The following SYNE1 variants were observed in gnomAD, a reference collection of about 807,000 sequenced individuals.
The protein encoded by SYNE1 is nesprin-1.
Under a neutral mutation model 1,111.0 loss-of-function variants are expected in SYNE1, and 616 were observed. The ratio of observed to expected loss-of-function variants is 0.55; its 90% CI spans 0.52 to 0.59. The LOEUF is 0.59. Ranked by LOEUF, SYNE1 falls within the 20% of genes least tolerant of loss-of-function variation. The probability of loss-of-function intolerance (pLI) is 0.00; values close to 1 mark genes in which losing one functional copy is unlikely to be tolerated. For missense variants in SYNE1, 10,006 were observed against 10,417.0 expected, an observed-to-expected ratio of 0.96 and a Z score of 1.72; for synonymous variants, 3,855 against 3,825.8, an observed-to-expected ratio of 1.01 and a Z score of -0.28.
At chr6:152,300,254 C>T (rs1333207997) in intron 93 of SYNE1, among the ~76,000 whole-genome samples, 1 of 152,044 alleles carries the variant, frequency 6.6e-6, no homozygotes, top group Non-Finnish European at 1.5e-5. Flanking sequence ...TGGTAAATGC[C>T]AGCACTATTT....
chr6:152,594,792 C>T (rs911304847), intron 3 of SYNE1, among the ~76,000 whole-genome samples: 15 of 152,264 alleles, frequency 9.9e-5, no homozygotes, highest in Non-Finnish European at 2.1e-4. Flanking sequence ...GAGCCTAAGC[C>T]AATCAGACTT....
At chr6:152,295,474 TGTA>T (rs2094826245) in intron 93 of SYNE1, among the ~76,000 whole-genome samples, 1 of 152,186 alleles carries the variant, frequency 6.6e-6, no homozygotes, top group Non-Finnish European at 1.5e-5. Flanking sequence ...CAGCTGGACT[TGTA>T]GTTATGTCTG....
At chr6:152,286,407 G>C (rs937212236) in intron 95 of SYNE1, among the ~76,000 whole-genome samples, 2 of 152,146 alleles carry the variant, frequency 1.3e-5, no homozygotes, top group African/African-American at 4.8e-5. Flanking sequence ...TCTGTGTCTG[G>C]CTCCTTTCAT....
At chr6:152,459,451 C>T (rs978329430) in intron 21 of SYNE1, among the ~76,000 whole-genome samples, 18 of 152,182 alleles carry the variant, frequency 1.2e-4, no homozygotes, top group Admixed American at 1.1e-3. Context: ...CTCCCACCAG[C>T]TCCATGCTTT....
intron 112 of SYNE1, among the ~76,000 whole-genome samples, chr6:152,233,298 A>ATGCCTT (rs2083209304): frequency 6.6e-6 from 1 of 152,002 alleles, no homozygotes; most frequent in Non-Finnish European, 1.5e-5. Flanking sequence ...CTCAGAGGAA[A>ATGCCTT]TGCCTTTGGG....
chr6:152,514,964 G>C (rs182588575), intron 6 of SYNE1, among the ~76,000 whole-genome samples: 3 of 152,300 alleles, frequency 2.0e-5, no homozygotes, highest in African/African-American at 7.2e-5. Flanking sequence ...GCTCACACCT[G>C]TAATCCCAGC....
At chr6:152,335,380 TA>T (rs1195397541) in intron 76 of SYNE1, 1 of 152,228 alleles carries the variant, frequency 6.6e-6, no homozygotes, top group Non-Finnish European at 1.5e-5. Context: ...GATTGTGATT[TA>T]AATTTGCTTA....
At chr6:152,202,082 C>T (rs1020880685) in intron 126 of SYNE1, 133 bp from the exon 127 acceptor site, 7 of 1,203,856 alleles carry the variant, frequency 5.8e-6, no homozygotes, top group Non-Finnish European at 8.2e-6. Context: ...TGTGGTGGCT[C>T]ACGCGTGTAA....
intron 10 of SYNE1, among the ~76,000 whole-genome samples, chr6:152,502,171 TGAC>T (rs983125016): frequency 2.6e-5 from 4 of 152,220 alleles, no homozygotes; most frequent in Non-Finnish European, 5.9e-5. Flanking sequence ...AAAAATCTAA[TGAC>T]AGTGAATAAT....
At chr6:152,496,826 G>C (rs140551294) in intron 11 of SYNE1, among the ~76,000 whole-genome samples, 1 of 152,232 alleles carries the variant, frequency 6.6e-6, no homozygotes, top group East Asian at 1.9e-4. Flanking sequence ...GAAAAGAAGT[G>C]AAAATGGCTG....
At chr6:152,139,529 C>T (rs537606431) in intron 140 of SYNE1, among the ~76,000 whole-genome samples, 7 of 145,572 alleles carry the variant, frequency 4.8e-5, no homozygotes, top group Non-Finnish European at 1.0e-4. Context: ...TGAGATCATG[C>T]CACTGCACTC....
At chr6:152,346,960 C>CA (rs1377753896) in intron 73 of SYNE1, 99 bp downstream of exon 73, 10 of 1,451,382 alleles carry the variant, frequency 6.9e-6, no homozygotes, top group Non-Finnish European at 7.5e-6. Flanking sequence ...AAAACGAATC[C>CA]AAAGATTTGA....
intron 36 of SYNE1, among the ~76,000 whole-genome samples, chr6:152,428,603 C>T (rs1289012351): frequency 1.3e-5 from 2 of 152,106 alleles, no homozygotes; most frequent in Non-Finnish European, 2.9e-5. Context: ...ATAATCTATC[C>T]TATATTTCAA....
At position 152,232,243 on chromosome 6, in the gene SYNE1, G is replaced by C; in HGVS notation, c.20735C>G (p.Ser6912Cys). Residue 6912 changes from serine (S) to cysteine (C), a missense_variant, in exon 113 of 146, where the codon TCC becomes TGC. This residue lies in a region of SYNE1 where 2,182 missense variants were observed against 2,287.8 expected (regional missense o/e 0.95). Coordinates refer to ENST00000367255, the MANE Select transcript of SYNE1 (RefSeq NM_182961.4). ...LHQLQMDKLP[S>C]RHAISEVMSW... ...CATGACTTCAGAAATGGCATGGCGGGAAGGCAGTTTATCCATCTGGAGCTG... is the reference window on the plus strand; with the variant it reads ...CATGACTTCAGAAATGGCATGGCGGCAAGGCAGTTTATCCATCTGGAGCTG... 1 of 1,613,946 alleles carries C rather than the reference G, an allele frequency of 6.2e-7. No individual in the cohort carries two copies. Among genetic ancestry groups the C allele is most frequent in the South Asian group, 1.1e-5 (1 of 91,072 alleles).
chr6:152,147,440 C>T (rs1197282741), intron 137 of SYNE1: 1 of 152,392 alleles, frequency 6.6e-6, no homozygotes, highest in African/African-American at 2.4e-5. Flanking sequence ...ATAGGAGCCA[C>T]AGCTCTTTTC....
At chr6:152,359,273 C>G in intron 65 of SYNE1, 42 bp downstream of exon 65, 3 of 1,612,646 alleles carry the variant, frequency 1.9e-6, no homozygotes, top group Non-Finnish European at 2.5e-6. Context: ...GCTCCAAACA[C>G]TCCCCTTTTG....
At chr6:152,323,416 G>A in intron 82 of SYNE1, 62 bp downstream of exon 82, 2 of 1,596,848 alleles carry the variant, frequency 1.3e-6, no homozygotes, top group African/African-American at 2.7e-5. Context: ...TCCAGCCTGG[G>A]CGACAGAGCG....
chr6:152,408,487 G>T (rs921284824), intron 44 of SYNE1, among the ~76,000 whole-genome samples: 18 of 152,084 alleles, frequency 1.2e-4, no homozygotes, highest in African/African-American at 4.1e-4. Context: ...TTCATAGTTT[G>T]GGAAAGAAAA....
intron 75 of SYNE1, among the ~76,000 whole-genome samples, chr6:152,338,411 C>CA (rs2096454636): frequency 6.6e-6 from 1 of 151,974 alleles, no homozygotes; most frequent in South Asian, 2.1e-4. Flanking sequence ...TGCTTGAGCC[C>CA]AGGAGTTCGA....
Sources: allele counts gnomAD v4.1 joint callset (sites outside exome capture counted in the v4.1 genomes callset), GRCh38; gene constraint gnomAD v4.1.1; regional missense constraint gnomAD v4.1.1; transcripts MANE v1.5; gene names NCBI Gene and HGNC (gene_info 2026-07-23, HGNC 2026-07-21).